CCDC30: variants seen among roughly 807,000 people sequenced by gnomAD.
CCDC30 encodes the protein coiled-coil domain-containing protein 30.
A neutral mutation model predicts 100.2 loss-of-function variants in CCDC30; 70 were observed. That is an observed-to-expected ratio of 0.70 (90% CI 0.58 to 0.85). CCDC30 has a LOEUF of 0.85. Among genes scored for constraint, CCDC30 ranks in the 40% least tolerant of loss-of-function variants. The pLI, the probability that CCDC30 is intolerant of heterozygous loss-of-function variation, is 0.00. For missense variants in CCDC30, 652 were observed against 771.2 expected (o/e 0.85, Z 1.83); for synonymous variants, 233 against 269.5 (o/e 0.86, Z 1.33).
At chr1:42,637,056 T>C (rs116684243) in intron 11 of CCDC30, among the ~76,000 whole-genome samples, 181 bp from the exon 16 acceptor site, 4 of 149,974 alleles carry the variant, frequency 2.7e-5, no homozygotes, top group African/African-American at 7.4e-5. Context: ...TATAGGGGGT[T>C]ATCCTTGGCC....
rs527659756 is a variant in CCDC30, at chr1:42,607,780, T to C, written c.1165-3198T>C. Among the ~76,000 whole-genome samples, 14 of 152,328 alleles carry C rather than the reference T, an allele frequency of 9.2e-5. 1 individual carries two copies. The highest frequency in any genetic ancestry group is 2.9e-4 in the African/African-American group (12 of 41,576). On this transcript the variant is annotated intron_variant, in intron 10 of 16. Transcript: ENST00000668663. ...TTGAAGGGAAAAGGTAAACACCAGC[T>C]GTCAGTCATTTCATTGTATAAAAAG...
intron 6 of CCDC30, among the ~76,000 whole-genome samples, chr1:42,522,082 T>C (rs1211142907): frequency 6.6e-6 from 1 of 152,172 alleles, no homozygotes; most frequent in African/African-American, 2.4e-5. Flanking sequence ...CATTCTCCCA[T>C]ATATTTTAAA....
chr1:42,484,281 A>G (rs1195535078), intron 3 of CCDC30, among the ~76,000 whole-genome samples: 1 of 152,190 alleles, frequency 6.6e-6, no homozygotes, highest in Non-Finnish European at 1.5e-5. Flanking sequence ...TCTTCAAACT[A>G]TACACTTAAA....
chr1:42,510,418 G>T (rs981861061), intron 6 of CCDC30, among the ~76,000 whole-genome samples: 1 of 152,080 alleles, frequency 6.6e-6, no homozygotes, highest in Non-Finnish European at 1.5e-5. Context: ...CAGCACTTTG[G>T]GGGGCCAAGG....
Position 42,653,368 on chromosome 1 carries a change from C to T in CCDC30, c.1855-8C>T. ...AACTTTTCACATTCATCCTTTCTTT[C>T]CTTTTAGGAAACAACAATTAGTGAC... On this transcript the variant is annotated splice_polypyrimidine_tract_variant and splice_region_variant and intron_variant, in intron 15 of 16. Coordinates refer to ENST00000668663, the Ensembl canonical transcript of CCDC30. 1 of 1,572,368 alleles carries T rather than the reference C, an allele frequency of 6.4e-7. No individual in the cohort carries two copies.
intron 1 of CCDC30, among the ~76,000 whole-genome samples, chr1:42,469,064 A>T (rs1643681150): frequency 6.6e-6 from 1 of 152,104 alleles, no homozygotes. Flanking sequence ...GACGTACAGC[A>T]AAGAGATCAT....
chr1:42,608,639 A>T (rs1646554382), intron 10 of CCDC30, among the ~76,000 whole-genome samples: 1 of 150,456 alleles, frequency 6.6e-6, no homozygotes, highest in African/African-American at 2.4e-5. Context: ...CGGGAGGCGG[A>T]ACTTGCCGTG....
At chr1:42,651,250 A>C (rs150415586) in intron 15 of CCDC30, among the ~76,000 whole-genome samples, 1 of 152,164 alleles carries the variant, frequency 6.6e-6, no homozygotes, top group African/African-American at 2.4e-5. Context: ...TATCAAACTA[A>C]AAAGCTTCTG....
At chr1:42,456,416 T>C in the CCDC30 span, 2 of 869,746 alleles carry the variant, frequency 2.3e-6, no homozygotes, top group Non-Finnish European at 1.7e-6. Flanking sequence ...CAACTACGCA[T>C]TTCCAGACTT....
intron 6 of CCDC30, among the ~76,000 whole-genome samples, chr1:42,563,274 A>G (rs540427628): frequency 6.6e-6 from 1 of 152,364 alleles, no homozygotes; most frequent in Non-Finnish European, 1.5e-5. Flanking sequence ...CTTTGCAGCC[A>G]TAAAAAGGAA....
At chr1:42,458,509 A>G (rs775948255), upstream of CCDC30, among the ~76,000 whole-genome samples, 6 of 152,220 alleles carry the variant, frequency 3.9e-5, no homozygotes, top group Non-Finnish European at 8.8e-5. Context: ...AGTGAAAAGA[A>G]ACATACCCTG....
At chr1:42,566,401 G>C (rs1293082995) in exon 7 of CCDC30, 2 of 1,613,916 alleles carry the variant, frequency 1.2e-6, no homozygotes, top group South Asian at 1.1e-5. Flanking sequence ...AGCTGAAAAT[G>C]AGCTTCGATA....
chr1:42,582,359 A>C (rs1557872833), intron 9 of CCDC30, among the ~76,000 whole-genome samples: 1 of 152,238 alleles, frequency 6.6e-6, no homozygotes, highest in Non-Finnish European at 1.5e-5. Context: ...ATATCATTGC[A>C]GTCTTTTGCA....
intron 12 of CCDC30, among the ~76,000 whole-genome samples, chr1:42,638,728 T>G (rs1475777787): frequency 2.0e-5 from 3 of 151,850 alleles, no homozygotes; most frequent in Admixed American, 1.3e-4. Flanking sequence ...ACAAAAAAAT[T>G]AGCCGAGCAT....
At chr1:42,521,956 G>A (rs1349861411) in intron 6 of CCDC30, among the ~76,000 whole-genome samples, 3 of 151,868 alleles carry the variant, frequency 2.0e-5, no homozygotes, top group Non-Finnish European at 4.4e-5. Context: ...CTTTTAGACT[G>A]TATATACAGT....
At chr1:42,468,285 C>T (rs1212475051) in intron 1 of CCDC30, among the ~76,000 whole-genome samples, 1 of 152,222 alleles carries the variant, frequency 6.6e-6, no homozygotes, top group Non-Finnish European at 1.5e-5. Context: ...CAGATTTCTT[C>T]TCTCCTGATA....
intron 14 of CCDC30, 30 bp from the exon 19 acceptor site, chr1:42,646,105 A>G: frequency 6.5e-7 from 1 of 1,541,168 alleles, no homozygotes; most frequent in Non-Finnish European, 8.7e-7. Flanking sequence ...CTATTGAAAT[A>G]AATAACTCCA....
At chr1:42,583,598 AAC>A (rs1360018526) in intron 9 of CCDC30, among the ~76,000 whole-genome samples, 1 of 152,098 alleles carries the variant, frequency 6.6e-6, no homozygotes, top group Non-Finnish European at 1.5e-5. Flanking sequence ...TTTATTGTTG[AAC>A]ATTTAGATTT....
chr1:42,499,886 G>T (rs926896324), intron 6 of CCDC30, among the ~76,000 whole-genome samples: 5 of 151,500 alleles, frequency 3.3e-5, no homozygotes, highest in Non-Finnish European at 7.4e-5. Context: ...TGATTAAACC[G>T]CATTACAGCC....
Sources: gnomAD v4.1 joint callset for allele counts (sites outside exome capture counted in the v4.1 genomes callset) on GRCh38, gnomAD v4.1.1 for gene constraint, MANE v1.5 for transcripts, NCBI Gene and HGNC (gene_info 2026-07-23, HGNC 2026-07-21) for gene names.